The following PELI2 variants were observed in gnomAD, a reference collection of about 807,000 sequenced individuals.
PELI2 encodes the protein pellino E3 ubiquitin protein ligase family member 2.
Under a neutral mutation model 42.3 loss-of-function variants are expected in PELI2, and 23 were observed. That is an observed-to-expected ratio of 0.54 (90% CI 0.39 to 0.77). The LOEUF is 0.77. Ranked by LOEUF, PELI2 falls within the 30% of genes least tolerant of loss-of-function variation. The pLI is 0.00. For synonymous variants in PELI2, 245 were observed against 212.2 expected (o/e 1.15, Z -1.34); for missense variants, 463 against 553.2 (o/e 0.84, Z 1.64).
chr14:56,239,698 C>T (rs1887909409), intron 2 of PELI2, among the ~76,000 whole-genome samples: 1 of 152,120 alleles, frequency 6.6e-6, no homozygotes. Flanking sequence ...CCCTATGGTC[C>T]TTCCCCAAGC....
chr14:56,255,482 G>C (rs1888495466), intron 2 of PELI2, among the ~76,000 whole-genome samples: 1 of 152,096 alleles, frequency 6.6e-6, no homozygotes, highest in Admixed American at 6.5e-5. Flanking sequence ...ACCAGGGCCT[G>C]TCGGGGTGGG....
intron 1 of PELI2, 55 bp downstream of exon 1, chr14:56,118,792 T>C: frequency 8.0e-7 from 1 of 1,249,224 alleles, no homozygotes; most frequent in Non-Finnish European, 1.1e-6. Context: ...AGCGCCCGCA[T>C]CCTGGAGCGG....
intron 1 of PELI2, among the ~76,000 whole-genome samples, chr14:56,149,860 G>A (rs751576510): frequency 3.9e-5 from 6 of 152,114 alleles, no homozygotes; most frequent in Admixed American, 2.0e-4. Context: ...GACGTTTAAT[G>A]TCTTTCCTCC....
In PELI2 at chr14:56,200,681, G is replaced by A. The variant is rs559374943; in HGVS notation, c.207+22217G>A. Among the ~76,000 whole-genome samples the A allele has an allele frequency of 1.4e-3, 217 of 152,346 alleles. 1 individual carries two copies. Among genetic ancestry groups the A allele is most frequent in the Non-Finnish European group, 2.4e-3 (162 of 68,024 alleles). On this transcript the variant is annotated intron_variant, in intron 2 of 5. Transcript: ENST00000267460. ...GCTGATGACTGTAAGTGAACAGCCT[G>A]TACTTCAGGCAAAGGTGATTCTTTT... is the stretch of plus-strand genomic sequence containing the variant.
At chr14:56,212,337 C>T (rs553703956) in intron 2 of PELI2, among the ~76,000 whole-genome samples, 12 of 152,300 alleles carry the variant, frequency 7.9e-5, no homozygotes, top group African/African-American at 2.6e-4. Flanking sequence ...TGGAAAGTGG[C>T]ACTATTTCCC....
At chr14:56,248,717 G>A (rs373491839) in intron 2 of PELI2, among the ~76,000 whole-genome samples, 1 of 152,084 alleles carries the variant, frequency 6.6e-6, no homozygotes, top group Non-Finnish European at 1.5e-5. Flanking sequence ...GTTGGGAGGT[G>A]TAGAGAAAAG....
chr14:56,238,923 A>G (rs927765384), intron 2 of PELI2, among the ~76,000 whole-genome samples: 7 of 152,236 alleles, frequency 4.6e-5, no homozygotes, highest in African/African-American at 1.7e-4. Context: ...AGTAACAGGT[A>G]GGAAGGTAGC....
chr14:56,172,416 T>C (rs1885211807), intron 1 of PELI2, among the ~76,000 whole-genome samples: 1 of 152,164 alleles, frequency 6.6e-6, no homozygotes, highest in Non-Finnish European at 1.5e-5. Context: ...TGCATGTTGT[T>C]AGTAAGCAAA....
At chr14:56,262,445 A>T (rs2139838951) in intron 2 of PELI2, among the ~76,000 whole-genome samples, 1 of 152,310 alleles carries the variant, frequency 6.6e-6, no homozygotes, top group East Asian at 1.9e-4. Flanking sequence ...AATCAACCAC[A>T]GATTTTTTTT....
At chr14:56,266,972 G>T (rs982981268) in intron 2 of PELI2, among the ~76,000 whole-genome samples, 1 of 152,036 alleles carries the variant, frequency 6.6e-6, no homozygotes, top group Non-Finnish European at 1.5e-5. Flanking sequence ...AACATTGTAT[G>T]CAGTATGCTA....
At chr14:56,279,933 A>G (rs1368063812) in intron 3 of PELI2, among the ~76,000 whole-genome samples, 156 bp downstream of exon 3, 2 of 152,172 alleles carry the variant, frequency 1.3e-5, no homozygotes, top group Non-Finnish European at 2.9e-5. Flanking sequence ...AGAATAAGAA[A>G]AAAACTTAAT....
At chr14:56,250,221 C>A (rs552260377) in intron 2 of PELI2, among the ~76,000 whole-genome samples, 14 of 152,284 alleles carry the variant, frequency 9.2e-5, no homozygotes, top group East Asian at 1.9e-4. Context: ...TTGGGCCACA[C>A]TGGAAACATT....
At chr14:56,215,493 G>A (rs763188607) in intron 2 of PELI2, among the ~76,000 whole-genome samples, 11 of 152,236 alleles carry the variant, frequency 7.2e-5, no homozygotes, top group African/African-American at 2.6e-4. Flanking sequence ...TTAGATTTAG[G>A]ACTTACTTAT....
At chr14:56,167,100 C>T (rs532717405) in intron 1 of PELI2, among the ~76,000 whole-genome samples, 72 of 152,230 alleles carry the variant, frequency 4.7e-4, no homozygotes, top group African/African-American at 1.6e-3. Context: ...AGGATCCTTT[C>T]TTTGTTCTTG....
intron 2 of PELI2, among the ~76,000 whole-genome samples, chr14:56,198,643 C>G (rs1160796422): frequency 6.6e-6 from 1 of 152,100 alleles, no homozygotes; most frequent in East Asian, 1.9e-4. Flanking sequence ...GCAGAGCCCA[C>G]ATGTGACAGC....
chr14:56,165,294 T>C (rs1884915632), intron 1 of PELI2, among the ~76,000 whole-genome samples: 1 of 152,190 alleles, frequency 6.6e-6, no homozygotes, highest in Admixed American at 6.5e-5. Flanking sequence ...CACTGGTCAT[T>C]CAGTAGCATA....
At chr14:56,295,344 G>A (rs1026979036) in intron 5 of PELI2, among the ~76,000 whole-genome samples, 5 of 151,518 alleles carry the variant, frequency 3.3e-5, no homozygotes, top group African/African-American at 7.3e-5. Context: ...TGGGTCTCTC[G>A]TCCCCCCCCA....
At chr14:56,217,084 T>A (rs1283620898) in intron 2 of PELI2, among the ~76,000 whole-genome samples, 1 of 152,184 alleles carries the variant, frequency 6.6e-6, no homozygotes, top group Non-Finnish European at 1.5e-5. Flanking sequence ...CTGTTGTTTC[T>A]AAAAATAGAT....
chr14:56,157,613 T>C (rs1161963720), intron 1 of PELI2, among the ~76,000 whole-genome samples: 5 of 152,248 alleles, frequency 3.3e-5, no homozygotes, highest in African/African-American at 1.2e-4. Flanking sequence ...AATTTGTTTC[T>C]GTACAATAGC....
Sources: gnomAD v4.1 joint callset for allele counts (sites outside exome capture counted in the v4.1 genomes callset) on GRCh38, gnomAD v4.1.1 for gene constraint, MANE v1.5 for transcripts, NCBI Gene and HGNC (gene_info 2026-07-23, HGNC 2026-07-21) for gene names.